Variants in MCC observed in about 807,000 individuals in gnomAD.
The protein encoded by MCC is MCC regulator of Wnt signaling pathway.
A neutral mutation model predicts 116.2 loss-of-function variants in MCC; 90 were observed. The observed-to-expected ratio is 0.77, with a 90% CI of 0.65 to 0.92. The LOEUF is 0.92. MCC is among the 40% of genes least tolerant of loss of function. The probability of loss-of-function intolerance (pLI) is 0.00; values close to 1 mark genes in which losing one functional copy is unlikely to be tolerated. For synonymous variants in MCC, 578 were observed against 510.5 expected (o/e 1.13, Z -1.78); for missense variants, 1,516 against 1,312.2 (o/e 1.16, Z -2.40).
chr5:113,055,213 G>A (rs749326064), intron 14 of MCC, among the ~76,000 whole-genome samples: 5 of 152,134 alleles, frequency 3.3e-5, no homozygotes, highest in African/African-American at 7.2e-5. Context: ...CCGCAGCCTC[G>A]TCCCACAGCC....
chr5:113,321,578 G>C (rs1278348702), intron 3 of MCC, among the ~76,000 whole-genome samples: 1 of 152,238 alleles, frequency 6.6e-6, no homozygotes, highest in Non-Finnish European at 1.5e-5. Context: ...TTAGAGAATT[G>C]AGAGATAGCT....
chr5:113,050,846 C>A (rs540342673), intron 15 of MCC, among the ~76,000 whole-genome samples: 1 of 152,224 alleles, frequency 6.6e-6, no homozygotes, highest in Non-Finnish European at 1.5e-5. Context: ...GCCCTCCACC[C>A]GGGGGCTTAA....
chr5:113,427,003 T>C (rs1770502856), intron 1 of MCC, among the ~76,000 whole-genome samples: 2 of 152,182 alleles, frequency 1.3e-5, no homozygotes, highest in Admixed American at 1.3e-4. Flanking sequence ...GGTATATGAA[T>C]TTAATCATGT....
At chr5:113,047,989 G>A (rs1439604356) in intron 16 of MCC, among the ~76,000 whole-genome samples, 2 of 152,184 alleles carry the variant, frequency 1.3e-5, no homozygotes, top group African/African-American at 2.4e-5. Context: ...ACCCTGTGAC[G>A]GTAGCAACGC....
intron 2 of MCC, among the ~76,000 whole-genome samples, chr5:113,375,271 T>A (rs1768955144): frequency 6.6e-6 from 1 of 152,216 alleles, no homozygotes; most frequent in African/African-American, 2.4e-5. Context: ...CTCTGGTTTC[T>A]GACAATGATT....
At chr5:113,422,371 T>C (rs1420640783) in intron 1 of MCC, among the ~76,000 whole-genome samples, 1 of 152,250 alleles carries the variant, frequency 6.6e-6, no homozygotes, top group Non-Finnish European at 1.5e-5. Context: ...TTTGAGCATT[T>C]ATTATATTTG....
intron 3 of MCC, among the ~76,000 whole-genome samples, chr5:113,175,745 T>A (rs1761300361): frequency 1.3e-5 from 2 of 152,188 alleles, no homozygotes; most frequent in African/African-American, 4.8e-5. Flanking sequence ...TAATCTACTC[T>A]AAAATACATT....
intron 3 of MCC, among the ~76,000 whole-genome samples, chr5:113,291,646 G>T (rs1192453653): frequency 6.6e-6 from 1 of 152,164 alleles, no homozygotes; most frequent in Non-Finnish European, 1.5e-5. Context: ...CAGAGAGATG[G>T]CACTAAAGGG....
At chr5:113,126,152 G>A (rs1380867355) in intron 5 of MCC, among the ~76,000 whole-genome samples, 12 of 152,128 alleles carry the variant, frequency 7.9e-5, no homozygotes, top group Admixed American at 7.9e-4. Flanking sequence ...GTGCTTCCAA[G>A]TTGCTTTAAG....
intron 4 of MCC, among the ~76,000 whole-genome samples, chr5:113,145,785 A>C (rs112606582): frequency 0.078 from 488 of 6,222 alleles, 37 homozygotes; most frequent in South Asian, 0.22. Context: ...CACACACACA[A>C]ACACACACAC....
At chr5:113,062,506 T>C (rs9688048) in intron 14 of MCC, among the ~76,000 whole-genome samples, 27,652 of 152,168 alleles carry the variant, frequency 0.18, 2,837 homozygotes, top group African/African-American at 0.28. Flanking sequence ...ACACATTTCC[T>C]GTCAAGCAAA....
At chr5:113,405,342 T>C (rs1769798270) in intron 1 of MCC, among the ~76,000 whole-genome samples, 1 of 152,222 alleles carries the variant, frequency 6.6e-6, no homozygotes, top group South Asian at 2.1e-4. Context: ...GTGACTTATG[T>C]AATAAGAGCA....
intron 6 of MCC, among the ~76,000 whole-genome samples, chr5:113,111,314 C>T (rs1757079394): frequency 6.6e-6 from 1 of 152,140 alleles, no homozygotes; most frequent in Admixed American, 6.5e-5. Flanking sequence ...TTTGGGTATT[C>T]CAGTTTCCCC....
chr5:113,074,551 G>C (rs1278682058), intron 11 of MCC, among the ~76,000 whole-genome samples: 4 of 140,244 alleles, frequency 2.9e-5, no homozygotes, highest in African/African-American at 9.8e-5. Context: ...TGAGTTGATA[G>C]AAGAAGGCTT....
Position 113,077,303 on chromosome 5 carries a change from G to C in MCC, c.1784+5557C>G, listed in dbSNP as rs116560937. 3.7e-3 allele frequency among the ~76,000 whole-genome samples: 564 copies of C among 152,248 alleles called. 2 individuals carry two copies. Among genetic ancestry groups the C allele is most frequent in the African/African-American group, 0.013 (537 of 41,550 alleles). ...ATTGAACTCAGCTGTCCACCAAGCAGACCAAACAGGCATCTACAGAACTCT... is the reference window on the plus strand; with the variant it reads ...ATTGAACTCAGCTGTCCACCAAGCACACCAAACAGGCATCTACAGAACTCT... On this transcript the variant is annotated intron_variant, in intron 11 of 18. Transcript: ENST00000408903.
intron 1 of MCC, among the ~76,000 whole-genome samples, chr5:113,480,513 C>T (rs1319273594): frequency 1.3e-5 from 2 of 152,174 alleles, no homozygotes; most frequent in Non-Finnish European, 2.9e-5. Flanking sequence ...CTAAAATGGA[C>T]TAAATAACTG....
intron 11 of MCC, among the ~76,000 whole-genome samples, chr5:113,078,205 C>T (rs1754595285): frequency 6.6e-6 from 1 of 152,204 alleles, no homozygotes; most frequent in African/African-American, 2.4e-5. Context: ...GACAGATTCA[C>T]AGCCGAATTC....
intron 5 of MCC, among the ~76,000 whole-genome samples, chr5:113,133,928 T>A (rs1006428310): frequency 6.6e-6 from 1 of 152,216 alleles, no homozygotes; most frequent in African/African-American, 2.4e-5. Flanking sequence ...CTTTCGCTAA[T>A]CTTTTGCTAA....
chr5:113,071,854 C>G (rs1294869515), intron 11 of MCC, among the ~76,000 whole-genome samples: 2 of 152,182 alleles, frequency 1.3e-5, no homozygotes, highest in South Asian at 2.1e-4. Context: ...CAGGAAACTT[C>G]CCCTGGTGGC....
Sources: allele counts gnomAD v4.1 joint callset (sites outside exome capture counted in the v4.1 genomes callset), GRCh38; gene constraint gnomAD v4.1.1; transcripts MANE v1.5; gene names NCBI Gene and HGNC (gene_info 2026-07-23, HGNC 2026-07-21).